Variants in JMJD1C observed in about 807,000 individuals in gnomAD.
The protein encoded by JMJD1C is jumonji domain-containing protein 1C.
JMJD1C carries 31 observed loss-of-function variants against 245.3 expected under a neutral mutation model. The ratio of observed to expected loss-of-function variants is 0.13; its 90% CI spans 0.09 to 0.17. The LOEUF is 0.17. Ranked by LOEUF, JMJD1C falls within the 10% of genes least tolerant of loss-of-function variation. The pLI is 1.00. For synonymous variants in JMJD1C, 1,057 were observed against 1,017.4 expected, an observed-to-expected ratio of 1.04 and a Z score of -0.74; for missense variants, 2,691 against 3,000.2, an observed-to-expected ratio of 0.90 and a Z score of 2.41.
intron 11 of JMJD1C, among the ~76,000 whole-genome samples, chr10:63,199,869 T>TA (rs1376133861): frequency 6.6e-6 from 1 of 152,156 alleles, no homozygotes; most frequent in East Asian, 1.9e-4. Flanking sequence ...GAGCATTTCA[T>TA]ATGCGCATGG....
intron 18 of JMJD1C, among the ~76,000 whole-genome samples, chr10:63,188,162 A>C (rs1844350345): frequency 6.6e-6 from 1 of 152,204 alleles, no homozygotes; most frequent in Non-Finnish European, 1.5e-5. Context: ...ACCTTGAACA[A>C]AGTTCTTAAA....
chr10:63,307,948 G>A (rs773685041), intron 2 of JMJD1C, among the ~76,000 whole-genome samples: 1 of 151,948 alleles, frequency 6.6e-6, no homozygotes, highest in African/African-American at 2.4e-5. Context: ...TCAGGAGTTC[G>A]AGACCAACCT....
chr10:63,183,382 G>A (rs1843719744), intron 22 of JMJD1C, 65 bp downstream of exon 22: 2 of 1,410,828 alleles, frequency 1.4e-6, no homozygotes, highest in Non-Finnish European at 1.9e-6. Flanking sequence ...TGATATTCTG[G>A]ACAATACTAG....
intron 10 of JMJD1C, chr10:63,204,565 GAGA>G (rs1846381623): frequency 1.0e-6 from 1 of 985,240 alleles, no homozygotes; most frequent in Non-Finnish European, 1.2e-6. Context: ...TAAGACAGAA[GAGA>G]AACAATTAAA....
At chr10:63,387,628 A>ATTTTTTTTTTTTTTTTT (rs1564863555) in intron 1 of JMJD1C, among the ~76,000 whole-genome samples, 13 of 18,522 alleles carry the variant, frequency 7.0e-4, no homozygotes, top group Non-Finnish European at 9.4e-4. Flanking sequence ...AGAAAAAAAA[A>ATTTTTTTTTTTTTTTTT]ATTTTTTTTT....
intron 10 of JMJD1C, among the ~76,000 whole-genome samples, chr10:63,201,948 A>G (rs1284687430): frequency 6.6e-6 from 1 of 151,758 alleles, no homozygotes; most frequent in Admixed American, 6.6e-5. Flanking sequence ...CAAAAGAGGA[A>G]AGAAAAAAAA....
chr10:63,169,012 G>T (rs1344371688), intron 24 of JMJD1C, among the ~76,000 whole-genome samples: 1 of 152,166 alleles, frequency 6.6e-6, no homozygotes, highest in East Asian at 1.9e-4. Flanking sequence ...ATAAAGAAAA[G>T]AAAATGAAAC....
chr10:63,449,365 T>A (rs1350810307), intron 1 of JMJD1C, among the ~76,000 whole-genome samples: 1 of 152,156 alleles, frequency 6.6e-6, no homozygotes, highest in East Asian at 1.9e-4. Context: ...TCTTGAACAG[T>A]TTATTAAAAC....
intron 1 of JMJD1C, among the ~76,000 whole-genome samples, chr10:63,459,342 C>T (rs1205901234): frequency 6.6e-6 from 1 of 152,196 alleles, no homozygotes; most frequent in African/African-American, 2.4e-5. Context: ...ATCTGACCAA[C>T]ACTGACAGAG....
intron 2 of JMJD1C, among the ~76,000 whole-genome samples, chr10:63,364,699 C>T (rs1945696052): frequency 6.6e-6 from 1 of 152,138 alleles, no homozygotes; most frequent in Non-Finnish European, 1.5e-5. Flanking sequence ...ATTGCTCAGG[C>T]TGGTCTCGAA....
At chr10:63,303,445 A>G (rs1213080023) in intron 2 of JMJD1C, among the ~76,000 whole-genome samples, 1 of 152,140 alleles carries the variant, frequency 6.6e-6, no homozygotes. Flanking sequence ...AGCTGGGATT[A>G]CAGGCACGCG....
intron 2 of JMJD1C, among the ~76,000 whole-genome samples, chr10:63,378,678 C>T (rs1192036741): frequency 2.0e-5 from 3 of 152,120 alleles, no homozygotes; most frequent in African/African-American, 7.2e-5. Flanking sequence ...ATTATTGATG[C>T]TACTGCTTCG....
At chr10:63,326,924 T>C (rs1307912316) in intron 2 of JMJD1C, among the ~76,000 whole-genome samples, 1 of 151,952 alleles carries the variant, frequency 6.6e-6, no homozygotes, top group Non-Finnish European at 1.5e-5. Flanking sequence ...TGGTGGCTCA[T>C]GCCTGTAATC....
chr10:63,419,246 G>A (rs557860561), intron 1 of JMJD1C, among the ~76,000 whole-genome samples: 2 of 152,020 alleles, frequency 1.3e-5, no homozygotes, highest in African/African-American at 2.4e-5. Context: ...AATTAGCTGG[G>A]CATGGTGGCA....
intron 1 of JMJD1C, among the ~76,000 whole-genome samples, chr10:63,441,402 C>G (rs1253111394): frequency 6.6e-6 from 1 of 152,072 alleles, no homozygotes; most frequent in Non-Finnish European, 1.5e-5. Flanking sequence ...GTTTCCAGAC[C>G]TATAAAATGG....
At chr10:63,311,282 G>A (rs1480287775) in intron 2 of JMJD1C, among the ~76,000 whole-genome samples, 1 of 151,880 alleles carries the variant, frequency 6.6e-6, no homozygotes, top group Non-Finnish European at 1.5e-5. Context: ...GGGAGACTGA[G>A]GCAGGAGAAT....
At chr10:63,386,805 T>G (rs1205796384) in intron 1 of JMJD1C, among the ~76,000 whole-genome samples, 9 of 152,266 alleles carry the variant, frequency 5.9e-5, no homozygotes, top group African/African-American at 2.2e-4. Flanking sequence ...ACCTGCCCAC[T>G]CATTCACCCC....
At chr10:63,263,015 A>C (rs989835270) in intron 3 of JMJD1C, among the ~76,000 whole-genome samples, 1 of 152,210 alleles carries the variant, frequency 6.6e-6, no homozygotes, top group Non-Finnish European at 1.5e-5. Context: ...TAAAACATTA[A>C]GATTTGGAAG....
chr10:63,203,291 C>T, intron 10 of JMJD1C: 1 of 980,686 alleles, frequency 1.0e-6, no homozygotes, highest in Non-Finnish European at 1.2e-6. Flanking sequence ...TATATAAAAC[C>T]TAGAAGTTTG....
Sources: gnomAD v4.1 joint callset for allele counts (sites outside exome capture counted in the v4.1 genomes callset) on GRCh38, gnomAD v4.1.1 for gene constraint, MANE v1.5 for transcripts, NCBI Gene and HGNC (gene_info 2026-07-23, HGNC 2026-07-21) for gene names.